The following PSTPIP1 variants were observed in gnomAD, a reference collection of about 807,000 sequenced individuals.
The protein encoded by PSTPIP1 is proline-serine-threonine phosphatase interacting protein 1.
PSTPIP1 carries 66 observed loss-of-function variants against 69.6 expected under a neutral mutation model. The ratio of observed to expected loss-of-function variants is 0.95; its 90% CI spans 0.78 to 1.16. The LOEUF (loss-of-function observed/expected upper bound fraction) is 1.16. Ranked by LOEUF, PSTPIP1 falls within the 50% of genes most tolerant of loss-of-function variation. PSTPIP1 has a pLI of 0.00. For missense variants in PSTPIP1, 603 were observed against 557.4 expected, an observed-to-expected ratio of 1.08 and a Z score of -0.82; for synonymous variants, 266 against 222.7, an observed-to-expected ratio of 1.19 and a Z score of -1.73.
At chr15:77,034,775 T>C (rs2076514200) in intron 12 of PSTPIP1, among the ~76,000 whole-genome samples, 1 of 152,244 alleles carries the variant, frequency 6.6e-6, no homozygotes, top group South Asian at 2.1e-4. Context: ...CCTCTACTTG[T>C]TGAGCCCTCA....
At position 77,032,394 on chromosome 15, in the gene PSTPIP1, G is replaced by A. The variant is rs778642250; in HGVS notation, c.838G>A (p.Ala280Thr). ...CAAGAGCACGGGCACAGAGCCCCCCGGTGAGGTCCGGCTTGCGGACAGCGC... is the reference window on the plus strand; with the variant it reads ...CAAGAGCACGGGCACAGAGCCCCCCAGTGAGGTCCGGCTTGCGGACAGCGC... ...QAKSTGTEPP[A>T]PVPYQNYYDR... is the part of the protein sequence containing the mutation. Residue 280 changes from alanine (A) to threonine (T), a missense_variant and splice_region_variant, in exon 11 of 15, where the codon GCT becomes ACT. By Grantham distance (58) the Ala-to-Thr change is moderately conservative. Transcript: ENST00000558012. 3.1e-6 allele frequency: 5 copies of A among 1,612,626 alleles called. No individual in the cohort carries two copies. Among genetic ancestry groups the A allele is most frequent in the Admixed American group, 1.7e-5 (1 of 60,018 alleles).
At chr15:76,998,219 C>T (rs2075622233) in intron 1 of PSTPIP1, among the ~76,000 whole-genome samples, 1 of 152,164 alleles carries the variant, frequency 6.6e-6, no homozygotes, top group Admixed American at 6.5e-5. Context: ...GCCTGGGTGA[C>T]AGAGCTGACA....
At position 77,032,274 on chromosome 15, in the gene PSTPIP1, G is replaced by A. The variant is rs370756727; in HGVS notation, c.742-24G>A. 32 of 1,609,382 alleles carry A rather than the reference G, an allele frequency of 2.0e-5. No homozygotes were observed. In the Admixed American group the frequency reaches 2.8e-4, roughly 14 times the overall value. ...AGGGGCAGAGTGGGCATCGGGCTGCGGCCTCTGCTCTTTCCTGCCCCAGCT... is the reference window on the plus strand; with the variant it reads ...AGGGGCAGAGTGGGCATCGGGCTGCAGCCTCTGCTCTTTCCTGCCCCAGCT... On this transcript the variant is annotated intron_variant, in intron 10 of 14. Transcript: ENST00000558012.
At chr15:77,012,074 C>G (rs1407595146) in intron 1 of PSTPIP1, among the ~76,000 whole-genome samples, 1 of 152,100 alleles carries the variant, frequency 6.6e-6, no homozygotes, top group Non-Finnish European at 1.5e-5. Context: ...CTCCCAAATA[C>G]TCTGGGTAAG....
intron 1 of PSTPIP1, among the ~76,000 whole-genome samples, chr15:77,009,414 G>A (rs961153795): frequency 2.0e-5 from 3 of 152,306 alleles, no homozygotes; most frequent in Admixed American, 6.5e-5. Context: ...AATCACAGCC[G>A]CAAAGCAGGC....
intron 3 of PSTPIP1, among the ~76,000 whole-genome samples, chr15:77,022,421 G>A (rs573309941): frequency 1.3e-5 from 2 of 152,328 alleles, no homozygotes; most frequent in South Asian, 4.1e-4. Flanking sequence ...AAGGGCAATG[G>A]GATGAGTTAC....
In PSTPIP1 at chr15:77,031,161, T is replaced by A. The variant is rs1568518298; in HGVS notation, c.643-19T>A. On this transcript the variant is annotated intron_variant, in intron 9 of 14. Coordinates refer to ENST00000558012, the MANE Select transcript of PSTPIP1 (RefSeq NM_003978.5). ...TGCAGCCGCCTCCTCACTGCTCACC[T>A]CCCTCCCACTGCCCCCAGGCCTTTC... The A allele has an allele frequency of 1.9e-6, 3 of 1,609,212 alleles. No homozygotes were observed. The East Asian group carries it at 6.7e-5, about 36-fold the overall frequency.
chr15:77,025,271 A>C lies in PSTPIP1; in HGVS notation c.213-13A>C, dbSNP rs1478470243. 6.2e-7 allele frequency: 1 copy of C among 1,606,902 alleles called. No individual in the cohort carries two copies. The highest frequency in any genetic ancestry group is 1.3e-5 in the African/African-American group (1 of 74,728). ...GCTCTCCTCCTCCTGACCTGGACCC[A>C]TCTGTTTTGCAGCTCCCTGAGGGCC... is the stretch of plus-strand genomic sequence containing the variant. On this transcript the variant is annotated splice_polypyrimidine_tract_variant and intron_variant, in intron 3 of 14. Transcript: ENST00000558012.
chr15:77,018,532 G>A lies in PSTPIP1; in HGVS notation c.212+1G>A, dbSNP rs2152679042. 1.3e-6 allele frequency: 2 copies of A among 1,560,208 alleles called. No individual in the cohort carries two copies. The highest frequency in any genetic ancestry group is 1.4e-5 in the African/African-American group (1 of 73,808). On this transcript the variant is annotated splice_donor_variant, in intron 3 of 14. Coordinates refer to ENST00000558012, the MANE Select transcript of PSTPIP1 (RefSeq NM_003978.5). LOFTEE classifies it high-confidence loss of function. ...AGGCAGGTGGCCAGACGGAGATCAAGTAAGATCTCCCGGGCCCTGGGGCTC... is the reference window on the plus strand; with the variant it reads ...AGGCAGGTGGCCAGACGGAGATCAAATAAGATCTCCCGGGCCCTGGGGCTC...
At position 77,005,021 on chromosome 15, in the gene PSTPIP1, A is replaced by G. The variant is rs578047059; in HGVS notation, c.36+9412A>G. On this transcript the variant is annotated intron_variant, in intron 1 of 14. Coordinates refer to ENST00000558012, the MANE Select transcript of PSTPIP1 (RefSeq NM_003978.5). ...TAGGACCTGGACATCAGTATTTTTCAAAGTTCCCCAGTGCCTCCATGTGGA... is the reference window on the plus strand; with the variant it reads ...TAGGACCTGGACATCAGTATTTTTCGAAGTTCCCCAGTGCCTCCATGTGGA... 1.5e-4 allele frequency among the ~76,000 whole-genome samples: 23 copies of G among 152,338 alleles called. No homozygotes were observed. The South Asian group carries it at 3.5e-3, about 23-fold the overall frequency.
intron 1 of PSTPIP1, among the ~76,000 whole-genome samples, chr15:77,015,298 T>C (rs2076026502): frequency 6.6e-6 from 1 of 152,200 alleles, no homozygotes; most frequent in Non-Finnish European, 1.5e-5. Context: ...TTGACCTGCA[T>C]TCAGATCCCA....
chr15:77,023,247 C>T (rs1159948107), intron 3 of PSTPIP1, among the ~76,000 whole-genome samples: 2 of 152,234 alleles, frequency 1.3e-5, no homozygotes, highest in African/African-American at 4.8e-5. Context: ...GGTTCAGCTG[C>T]GTGACAGACA....
In PSTPIP1 at chr15:76,995,507, G is replaced by T. The variant is rs1386483084; in HGVS notation, c.-67G>T. 2 of 1,612,370 alleles carry T rather than the reference G, an allele frequency of 1.2e-6. No individual in the cohort carries two copies. Among genetic ancestry groups the T allele is most frequent in the East Asian group, 4.5e-5 (2 of 44,856 alleles). ...TGCCAGGACTGGGACGCTGCTGCTG[G>T]CGCCTGGCCCTCCATCAGGCCAGCC... On this transcript the variant is annotated 5_prime_UTR_variant, in exon 1 of 15. Transcript: ENST00000558012.
chr15:76,997,554 T>G (rs970286672), intron 1 of PSTPIP1, among the ~76,000 whole-genome samples: 3 of 152,210 alleles, frequency 2.0e-5, no homozygotes, highest in Non-Finnish European at 4.4e-5. Context: ...CTTATTCAGA[T>G]GAGGAAATTG....
At position 77,037,311 on chromosome 15, in the gene PSTPIP1, TA is replaced by T; in HGVS notation, c.*138del. Reference sequence around the variant, plus strand: ...AGGGAGCCTGTCGTCTCCCAGGGAATAAAGGAGTGCGTTCTGTTCTCCTTGG... The same window carrying T: ...AGGGAGCCTGTCGTCTCCCAGGGAATAAGGAGTGCGTTCTGTTCTCCTTGG... On this transcript the variant is annotated 3_prime_UTR_variant, in exon 15 of 15. Transcript: ENST00000558012. 1 of 1,199,876 alleles carries T rather than the reference TA, an allele frequency of 8.3e-7. No homozygotes were observed. The highest frequency in any genetic ancestry group is 1.1e-6 in the Non-Finnish European group (1 of 877,450). The allele number at this position is 1,199,876 out of a possible 1,614,324, so 74.3% of individuals were successfully genotyped here.
At chr15:76,994,694 T>G, upstream of PSTPIP1, 3 of 1,221,756 alleles carry the variant, frequency 2.5e-6, no homozygotes, top group Non-Finnish European at 3.2e-6. Flanking sequence ...TGCCTCTGTG[T>G]GCTCACAGCC....
rs566989031 is a variant in PSTPIP1 at position 77,004,016 on chromosome 15, G to C, written c.36+8407G>C. Among the ~76,000 whole-genome samples, 60 of 152,208 alleles carry C rather than the reference G, an allele frequency of 3.9e-4. 1 individual carries two copies. Among genetic ancestry groups the C allele is most frequent in the Middle Eastern group, 3.2e-3 (1 of 316 alleles). ...CATTGCATGTTATACTCCACCATTA[G>C]AGAATCATTCCTTTGGTTTCAAGTA... On this transcript the variant is annotated intron_variant, in intron 1 of 14. Coordinates refer to ENST00000558012, the MANE Select transcript of PSTPIP1 (RefSeq NM_003978.5).
intron 8 of PSTPIP1, 38 bp from the exon 9 acceptor site, chr15:77,030,464 C>T (rs922808908): frequency 3.1e-6 from 5 of 1,597,200 alleles, no homozygotes; most frequent in Non-Finnish European, 3.4e-6. Flanking sequence ...TGGAGGAGCT[C>T]GTGTCAGGGC....
chr15:77,003,957 G>A (rs896368348), intron 1 of PSTPIP1, among the ~76,000 whole-genome samples: 1 of 152,210 alleles, frequency 6.6e-6, no homozygotes, highest in African/African-American at 2.4e-5. Context: ...CATAGATCTT[G>A]CTGTTTCAGA....
Sources: gnomAD v4.1 joint callset for allele counts (sites outside exome capture counted in the v4.1 genomes callset) on GRCh38, gnomAD v4.1.1 for gene constraint, MANE v1.5 for transcripts, NCBI Gene and HGNC (gene_info 2026-07-23, HGNC 2026-07-21) for gene names.